Variants in RNF207 observed in about 807,000 individuals in gnomAD.
The protein encoded by RNF207 is ring finger protein 207, also known as OTTHUMG00000001089.
A neutral mutation model predicts 79.0 loss-of-function variants in RNF207; 72 were observed. That is an observed-to-expected ratio of 0.91 (90% CI 0.75 to 1.11). The LOEUF is 1.11. Ranked by LOEUF, RNF207 falls within the 50% of genes least tolerant of loss-of-function variation. The pLI is 0.00. For missense variants in RNF207, 936 were observed against 855.8 expected, an observed-to-expected ratio of 1.09 and a Z score of -1.17; for synonymous variants, 348 against 366.2, an observed-to-expected ratio of 0.95 and a Z score of 0.57.
At chr1:6,215,325 GC>G (rs1196609183) in intron 16 of RNF207, among the ~76,000 whole-genome samples, 1 of 149,170 alleles carries the variant, frequency 6.7e-6, no homozygotes, top group South Asian at 2.1e-4. Context: ...ACTGCACCCG[GC>G]CCCCCTTTTT....
At chr1:6,210,339 G>C in intron 9 of RNF207, 31 bp from the exon 10 acceptor site, 1 of 1,612,958 alleles carries the variant, frequency 6.2e-7, no homozygotes, top group South Asian at 1.1e-5. Flanking sequence ...CTCCTCCCCG[G>C]CCAGGCACTG....
rs200960066 is a variant in RNF207 at position 6,209,009 on chromosome 1, C to A, written c.453C>A (p.Asp151Glu). 1,132 of 1,409,134 alleles carry A rather than the reference C, an allele frequency of 8.0e-4. 4 individuals carry two copies. The Middle Eastern group carries it at 0.014, about 17-fold the overall frequency. 87.3% of individuals were successfully genotyped at this position (1,409,134 alleles called of 1,614,324 possible). Reference protein sequence around the residue: ...DIVALGQRSRDVPQKCTLHAE... With the variant: ...DIVALGQRSREVPQKCTLHAE... ...TGGCCCTGGGTCAGCGAAGCCGCGA[C>A]GTGCCCCAGAAGTGCAGTGAGTGAG... Residue 151 changes from aspartate to glutamate, a missense_variant, in exon 4 of 18, where the codon GAC becomes GAA. By Grantham distance (45) the Asp-to-Glu change is conservative (BLOSUM62 2). Transcript: ENST00000377939.
In RNF207 at chr1:6,212,345, T is replaced by TCC. The variant is rs1248291878; in HGVS notation, c.1413_1414dup (p.Leu472ProfsTer15). Reference sequence around the variant, plus strand: ...GATCATGGGAGACGTCCTGCACAAGTCCCTGCAACTGGACGTGCAGATCGC... The same window carrying TCC: ...GATCATGGGAGACGTCCTGCACAAGTCCCCCTGCAACTGGACGTGCAGATCGC... On this transcript the variant is annotated frameshift_variant, in exon 14 of 18. Transcript: ENST00000377939. LOFTEE classifies it high-confidence loss of function. 1 of 1,613,584 alleles carries TCC rather than the reference T, an allele frequency of 6.2e-7. No homozygotes were observed. The highest frequency in any genetic ancestry group is 1.3e-5 in the African/African-American group (1 of 74,890).
Position 6,219,517 on chromosome 1 carries a change from G to T in RNF207, c.*110G>T. 1 of 807,544 alleles carries T rather than the reference G, an allele frequency of 1.2e-6. No homozygotes were observed. Among genetic ancestry groups the T allele is most frequent in the Non-Finnish European group, 1.9e-6 (1 of 534,774 alleles). 50.0% of individuals were successfully genotyped at this position (807,544 alleles called of 1,614,324 possible). A position where few individuals can be genotyped will look rare whatever the true frequency, so the allele number is the denominator to read the frequency against. On this transcript the variant is annotated 3_prime_UTR_variant, in exon 18 of 18. Transcript: ENST00000377939. ...TTTTTTATTTTTTATTTTTGAGATG[G>T]AGTTTCGCTCTGTTGCCCAGGCTGG...
chr1:6,207,690 T>C lies in RNF207; in HGVS notation c.324+179T>C, dbSNP rs1489344625. On this transcript the variant is annotated intron_variant, in intron 3 of 17. Coordinates refer to ENST00000377939, the MANE Select transcript of RNF207 (RefSeq NM_207396.3). This position sits in a 1 kb window ranked among gnomAD's most constrained non-coding sequence, Gnocchi z 4.5. ...CATTATACCGGTGGGGAGACTGAGG[T>C]CCAGAACAAGGGACTTGAGCCAGTG... 2.6e-6 allele frequency: 2 copies of C among 761,936 alleles called. No homozygotes were observed. The highest frequency in any genetic ancestry group is 3.4e-5 in the African/African-American group (2 of 58,236). The allele number at this position is 761,936 out of a possible 1,614,324, so 47.2% of individuals were successfully genotyped here.
Position 6,210,360 on chromosome 1 carries a change from C to T in RNF207, c.874-10C>T. 4.3e-6 allele frequency: 7 copies of T among 1,613,530 alleles called. 1 individual carries two copies. The South Asian group carries it at 7.7e-5, about 18-fold the overall frequency. On this transcript the variant is annotated splice_polypyrimidine_tract_variant and intron_variant, in intron 9 of 17. Coordinates refer to ENST00000377939, the MANE Select transcript of RNF207 (RefSeq NM_207396.3). ...CCCGGCCAGGCACTGAGCAGCATCC[C>T]CTCCCCCAGGTCCACCTGGTCATCT...
chr1:6,209,790 G>A (rs1668081665), intron 7 of RNF207, 134 bp from the exon 8 acceptor site: 2 of 1,046,004 alleles, frequency 1.9e-6, no homozygotes, highest in Non-Finnish European at 2.7e-6. Flanking sequence ...CCCTCACCAG[G>A]CAGCAGATGC....
At chr1:6,210,589 A>G in intron 10 of RNF207, 151 bp downstream of exon 10, 1 of 647,742 alleles carries the variant, frequency 1.5e-6, no homozygotes, top group Non-Finnish European at 2.7e-6. Flanking sequence ...TCATCTGCAA[A>G]CCTGTTAGGG....
chr1:6,215,823 C>T (rs888719923), intron 16 of RNF207, among the ~76,000 whole-genome samples: 4 of 152,218 alleles, frequency 2.6e-5, no homozygotes, highest in African/African-American at 9.6e-5. Flanking sequence ...CCACCACGCC[C>T]TCTAAGCTTG....
Position 6,209,435 on chromosome 1 carries a change from GC to G in RNF207, c.651del (p.Thr218ArgfsTer99). The G allele has an allele frequency of 6.6e-7, 1 of 1,517,510 alleles. No individual in the cohort carries two copies. The allele number at this position is 1,517,510 out of a possible 1,614,324, so 94.0% of individuals were successfully genotyped here. A position where few individuals can be genotyped will look rare whatever the true frequency, so the allele number is the denominator to read the frequency against. ...CCAGGCCGTGAAGGCCCTGCAGACG[GC>G]CACGCGGGAGGCCATCGCGCTGCTG... ...AVLAVKALQT[A>X]TREAIALLQA... On this transcript the variant is annotated frameshift_variant, in exon 7 of 18. Transcript: ENST00000377939. LOFTEE classifies it high-confidence loss of function.
chr1:6,209,929 G>C lies in RNF207; in HGVS notation c.759G>C (p.Arg253Ser). 3 of 1,590,548 alleles carry C rather than the reference G, an allele frequency of 1.9e-6. No homozygotes were observed. The highest frequency in any genetic ancestry group is 2.6e-6 in the Non-Finnish European group (3 of 1,168,656). The change falls in exon 8 of 18, where the codon AGG becomes AGC. Residue 253 changes from arginine (R) to serine (S), a missense_variant. Arg to Ser is a moderately radical substitution (Grantham distance 110, BLOSUM62 -1). Transcript: ENST00000377939. ...IHALFGSMQD[R>S]LAERKALLLQ... Reference sequence around the variant, plus strand: ...ATGCTCGCCATCTCTCCCAGGACAGGCTGGCAGAGAGGAAAGCGCTGCTGC... The same window carrying C: ...ATGCTCGCCATCTCTCCCAGGACAGCCTGGCAGAGAGGAAAGCGCTGCTGC...
At chr1:6,206,377 C>A (rs1433407236) in intron 1 of RNF207, 75 bp downstream of exon 1, 1 of 603,620 alleles carries the variant, frequency 1.7e-6, no homozygotes, top group East Asian at 2.8e-5. Flanking sequence ...AGGCCCCAGC[C>A]CTAACCTGGG....
chr1:6,210,170 C>T, intron 8 of RNF207, 53 bp from the exon 9 acceptor site: 1 of 1,507,062 alleles, frequency 6.6e-7, no homozygotes. Flanking sequence ...GGGGATGGAA[C>T]TGCCCGGCCC....
Position 6,211,036 on chromosome 1 carries a change from C to A in RNF207, c.1027C>A (p.Arg343=), listed in dbSNP as rs201979285. Residue 343 remains arginine, a synonymous_variant, in exon 12 of 18, where the codon CGA becomes AGA. Coordinates refer to ENST00000377939, the MANE Select transcript of RNF207 (RefSeq NM_207396.3). The surrounding 1 kb of genome is among the most constrained non-coding windows in gnomAD (Gnocchi z 4.2). ...IQSSKIASDH[R]AEFARCLEPL... ...CGCTGCCCAGATTGCCAGTGACCAC[C>A]GAGCTGAATTCGCGCGCTGTCTGGA... is the stretch of plus-strand genomic sequence containing the variant. The A allele has an allele frequency of 1.9e-6, 3 of 1,609,484 alleles. No individual in the cohort carries two copies. Among genetic ancestry groups the A allele is most frequent in the Non-Finnish European group, 2.5e-6 (3 of 1,178,966 alleles).
intron 16 of RNF207, 146 bp from the exon 17 acceptor site, chr1:6,218,143 C>G: frequency 1.6e-6 from 1 of 620,818 alleles, no homozygotes; most frequent in Non-Finnish European, 2.9e-6. Flanking sequence ...ACCACTGGAC[C>G]TTAGTAAATA....
chr1:6,219,463 C>G lies in RNF207; in HGVS notation c.*56C>G. 7.7e-7 allele frequency: 1 copy of G among 1,293,262 alleles called. No individual in the cohort carries two copies. The highest frequency in any genetic ancestry group is 1.4e-5 in the South Asian group (1 of 69,240). 80.1% of individuals were successfully genotyped at this position (1,293,262 alleles called of 1,614,324 possible). ...TTAGAGCAGGCACAAGACTGGGACA[C>G]TGGACAGAAGGTTGTTCCCATGATG... On this transcript the variant is annotated 3_prime_UTR_variant, in exon 18 of 18. Transcript: ENST00000377939.
intron 10 of RNF207, 30 bp downstream of exon 10, chr1:6,210,468 C>G: frequency 1.3e-6 from 2 of 1,578,632 alleles, no homozygotes; most frequent in Middle Eastern, 1.8e-4. Context: ...GCAGATGCCC[C>G]CTCCCCACCA....
At chr1:6,209,090 T>TCAC in intron 4 of RNF207, 25 bp from the exon 5 acceptor site, 1 of 1,548,206 alleles carries the variant, frequency 6.5e-7, no homozygotes, top group African/African-American at 1.4e-5. Flanking sequence ...ACCGGAGCCC[T>TCAC]CACCACCGCC....
chr1:6,208,999 G>T lies in RNF207; in HGVS notation c.443G>T (p.Arg148Leu). 5.3e-6 allele frequency: 8 copies of T among 1,516,460 alleles called. No individual in the cohort carries two copies. The highest frequency in any genetic ancestry group is 6.2e-6 in the Non-Finnish European group (7 of 1,133,464). The allele number at this position is 1,516,460 out of a possible 1,614,324, so 93.9% of individuals were successfully genotyped here. Reference protein sequence around the residue: ...ARHDIVALGQRSRDVPQKCTL... With the variant: ...ARHDIVALGQLSRDVPQKCTL... The stretch of plus-strand genomic sequence containing the variant: ...CACGACATCGTGGCCCTGGGTCAGC[G>T]AAGCCGCGACGTGCCCCAGAAGTGC... Residue 148 changes from arginine (R) to leucine (L), a missense_variant, in exon 4 of 18, where the codon CGA (arginine) becomes CTA (leucine). Transcript: ENST00000377939.
Sources: allele counts gnomAD v4.1 joint callset (sites outside exome capture counted in the v4.1 genomes callset), GRCh38; gene constraint gnomAD v4.1.1; non-coding constraint Gnocchi (gnomAD v3.1); transcripts MANE v1.5; gene names NCBI Gene and HGNC (gene_info 2026-07-23, HGNC 2026-07-21).